Variants in WDR27 observed in about 807,000 individuals in gnomAD.
WDR27 encodes WD repeat domain 27, also known as WD repeat-containing protein 27.
WDR27 carries 100 observed loss-of-function variants against 114.4 expected under a neutral mutation model. The observed-to-expected ratio is 0.87, with a 90% CI of 0.74 to 1.03. WDR27 has a LOEUF of 1.03. Ranked by LOEUF, WDR27 falls within the 50% of genes least tolerant of loss-of-function variation. WDR27 has a pLI of 0.00. For synonymous variants in WDR27, 449 were observed against 423.1 expected (o/e 1.06, Z -0.75); for missense variants, 1,129 against 1,092.9 (o/e 1.03, Z -0.47).
intron 25 of WDR27, among the ~76,000 whole-genome samples, chr6:169,548,672 A>T (rs1349654990): frequency 6.6e-6 from 1 of 152,244 alleles, no homozygotes; most frequent in African/African-American, 2.4e-5. Flanking sequence ...TATAGTAATC[A>T]AGACAGTGCT....
At chr6:169,465,234 G>T (rs894386695) in intron 25 of WDR27, among the ~76,000 whole-genome samples, 2 of 139,772 alleles carry the variant, frequency 1.4e-5, no homozygotes, top group African/African-American at 5.6e-5. Flanking sequence ...CTCCAGCCTG[G>T]GCAACAAGAG....
At chr6:169,567,867 G>A (rs1489365710) in intron 25 of WDR27, among the ~76,000 whole-genome samples, 1 of 152,320 alleles carries the variant, frequency 6.6e-6, no homozygotes, top group African/African-American at 2.4e-5. Flanking sequence ...CAGAAGAGGA[G>A]TGAGAGCGGC....
At chr6:169,596,608 AT>A (rs947455174) in intron 23 of WDR27, among the ~76,000 whole-genome samples, 44 of 151,032 alleles carry the variant, frequency 2.9e-4, no homozygotes, top group Non-Finnish European at 4.1e-4. Context: ...GTTCATCCTT[AT>A]TTTTTTTTGT....
chr6:169,598,991 C>T (rs1227321988), intron 23 of WDR27, among the ~76,000 whole-genome samples: 1 of 151,664 alleles, frequency 6.6e-6, no homozygotes, highest in Non-Finnish European at 1.5e-5. Flanking sequence ...GAAGTTATTT[C>T]TTTTTTTTTA....
At chr6:169,676,822 T>C in intron 2 of WDR27, among the ~76,000 whole-genome samples, 1 of 152,204 alleles carries the variant, frequency 6.6e-6, no homozygotes, top group Admixed American at 6.5e-5. Context: ...CTAAGCAATG[T>C]ACATATTACA....
intron 25 of WDR27, among the ~76,000 whole-genome samples, chr6:169,489,772 T>C (rs1242217390): frequency 3.3e-5 from 5 of 152,222 alleles, no homozygotes; most frequent in African/African-American, 1.2e-4. Context: ...TGGCCAAGGC[T>C]CAGCTCTCCA....
chr6:169,443,428 CAT>C, the WDR27 span, among the ~76,000 whole-genome samples: 85,346 of 152,080 alleles, frequency 0.56, 26,106 homozygotes, highest in East Asian at 0.95. Flanking sequence ...TTTACAGTAA[CAT>C]ATGGAAATTT....
At chr6:169,621,260 A>T (rs1584647448) in intron 21 of WDR27, among the ~76,000 whole-genome samples, 1 of 152,052 alleles carries the variant, frequency 6.6e-6, no homozygotes, top group African/African-American at 2.4e-5. Flanking sequence ...CCACACATAC[A>T]TTCATGCATA....
intron 21 of WDR27, among the ~76,000 whole-genome samples, chr6:169,631,433 G>C (rs1240624942): frequency 2.0e-5 from 3 of 151,876 alleles, no homozygotes; most frequent in Admixed American, 2.0e-4. Context: ...GGGTGGGGGG[G>C]TGGAAGATTA....
At chr6:169,516,788 A>AACACACACACACAC (rs3032851) in intron 25 of WDR27, among the ~76,000 whole-genome samples, 1,577 of 119,272 alleles carry the variant, frequency 0.013, 28 homozygotes, top group Non-Finnish European at 0.018. Context: ...GGCATGCTCC[A>AACACACACACACAC]ACACACACAC....
intron 24 of WDR27, among the ~76,000 whole-genome samples, chr6:169,573,160 C>T (rs1213580482): frequency 6.6e-6 from 1 of 152,144 alleles, no homozygotes; most frequent in Non-Finnish European, 1.5e-5. Context: ...TCTTGTCTTT[C>T]ACTGAAACTC....
At position 169,512,405 on chromosome 6, in the gene WDR27, C is replaced by A. The variant is rs74579530; in HGVS notation, c.2646-54771G>T. ...TTTAACTTACAATTTTTAAAGGGTT[C>A]TTTATCCTAGAATGACCAAAAATTA... On this transcript the variant is annotated intron_variant, in intron 25 of 25. Coordinates refer to ENST00000448612, the MANE Select transcript of WDR27 (RefSeq NM_182552.5). Among the ~76,000 whole-genome samples, 491 of 152,198 alleles carry A rather than the reference C, an allele frequency of 3.2e-3. 6 individuals carry two copies. Among genetic ancestry groups the A allele is most frequent in the East Asian group, 0.03 (154 of 5,176 alleles).
chr6:169,585,590 TC>T (rs1804385317), intron 23 of WDR27, among the ~76,000 whole-genome samples: 1 of 127,034 alleles, frequency 7.9e-6, no homozygotes, highest in East Asian at 1.0e-3. Flanking sequence ...ACATAAACAA[TC>T]AATTACCATA....
At chr6:169,590,534 T>C (rs1805530338) in intron 23 of WDR27, among the ~76,000 whole-genome samples, 1 of 152,370 alleles carries the variant, frequency 6.6e-6, no homozygotes, top group Non-Finnish European at 1.5e-5. Context: ...GCAGAGGCTC[T>C]GTTAGAGAAT....
At chr6:169,502,927 G>A (rs909855019) in intron 25 of WDR27, among the ~76,000 whole-genome samples, 1 of 152,130 alleles carries the variant, frequency 6.6e-6, no homozygotes, top group Admixed American at 6.5e-5. Flanking sequence ...TTCTTCTATA[G>A]GCTTCCCCCA....
At chr6:169,543,150 T>C (rs1217823929) in intron 25 of WDR27, among the ~76,000 whole-genome samples, 1 of 152,130 alleles carries the variant, frequency 6.6e-6, no homozygotes, top group African/African-American at 2.4e-5. Flanking sequence ...AAATATATAG[T>C]ATTTTACATA....
At chr6:169,543,508 T>C (rs908977402) in intron 25 of WDR27, among the ~76,000 whole-genome samples, 4 of 152,178 alleles carry the variant, frequency 2.6e-5, no homozygotes, top group Non-Finnish European at 4.4e-5. Flanking sequence ...TATGTATTTA[T>C]TTAAATTCAT....
At chr6:169,597,328 CTATTA>C (rs1807004684) in intron 23 of WDR27, among the ~76,000 whole-genome samples, 1 of 151,078 alleles carries the variant, frequency 6.6e-6, no homozygotes, top group Non-Finnish European at 1.5e-5. Context: ...AGTATTGTTT[CTATTA>C]TGTTTTTTTT....
intron 25 of WDR27, among the ~76,000 whole-genome samples, chr6:169,483,910 A>G (rs1788530065): frequency 6.6e-6 from 1 of 152,232 alleles, no homozygotes; most frequent in African/African-American, 2.4e-5. Context: ...CATTAAGAGA[A>G]CTAAAGACAA....
Sources: gnomAD v4.1 joint callset for allele counts (sites outside exome capture counted in the v4.1 genomes callset) on GRCh38, gnomAD v4.1.1 for gene constraint, MANE v1.5 for transcripts, NCBI Gene and HGNC (gene_info 2026-07-23, HGNC 2026-07-21) for gene names.